Variants in TAFA4 observed in about 807,000 individuals in gnomAD.
TAFA4 encodes the protein chemokine-like protein TAFA-4.
A neutral mutation model predicts 21.1 loss-of-function variants in TAFA4; 20 were observed. The observed-to-expected ratio is 0.95, with a 90% CI of 0.67 to 1.38. The LOEUF (loss-of-function observed/expected upper bound fraction) is 1.38. TAFA4 is among the 40% of genes most tolerant of loss of function. The pLI is 0.00. For synonymous variants in TAFA4, 71 were observed against 67.4 expected, an observed-to-expected ratio of 1.05 and a Z score of -0.26; for missense variants, 211 against 180.9, an observed-to-expected ratio of 1.17 and a Z score of -0.95.
chr3:68,734,057 G>A (rs550695816), intron 5 of TAFA4, among the ~76,000 whole-genome samples: 1 of 152,112 alleles, frequency 6.6e-6, no homozygotes, highest in African/African-American at 2.4e-5. Flanking sequence ...AGGCCATACA[G>A]TCACTATAGC....
chr3:68,793,885 G>T (rs1170516803), intron 3 of TAFA4, among the ~76,000 whole-genome samples: 1 of 152,162 alleles, frequency 6.6e-6, no homozygotes, highest in Non-Finnish European at 1.5e-5. Context: ...ACCTTACTGT[G>T]TTTAATGGTG....
chr3:68,785,262 C>A (rs141833759), intron 3 of TAFA4, among the ~76,000 whole-genome samples: 2 of 152,192 alleles, frequency 1.3e-5, no homozygotes, highest in Non-Finnish European at 2.9e-5. Context: ...CAGTGGATCT[C>A]GCACTGGGGC....
intron 4 of TAFA4, among the ~76,000 whole-genome samples, chr3:68,752,135 A>T (rs971634281): frequency 3.9e-5 from 6 of 152,216 alleles, no homozygotes; most frequent in African/African-American, 1.2e-4. Context: ...CATGCATCAA[A>T]TGAGACAGGA....
intron 3 of TAFA4, among the ~76,000 whole-genome samples, chr3:68,811,615 G>T (rs1703841431): frequency 6.6e-6 from 1 of 152,060 alleles, no homozygotes; most frequent in Non-Finnish European, 1.5e-5. Context: ...GAGAAGAGAA[G>T]TTTAGAGAAA....
intron 5 of TAFA4, among the ~76,000 whole-genome samples, chr3:68,737,526 G>C (rs1388442294): frequency 6.6e-6 from 1 of 152,074 alleles, no homozygotes; most frequent in African/African-American, 2.4e-5. Context: ...AAATGGTCTG[G>C]TTTTACCTAG....
chr3:68,825,371 A>G (rs1704206056), intron 3 of TAFA4, among the ~76,000 whole-genome samples: 1 of 152,174 alleles, frequency 6.6e-6, no homozygotes, highest in Admixed American at 6.5e-5. Flanking sequence ...TATCCAGTCT[A>G]TCATTGATGG....
intron 3 of TAFA4, among the ~76,000 whole-genome samples, chr3:68,758,902 G>A (rs1381771312): frequency 2.6e-5 from 4 of 151,878 alleles, no homozygotes; most frequent in Non-Finnish European, 1.5e-5. Context: ...AAAAAGAGAA[G>A]TATTTTAAGG....
chr3:68,770,671 AG>A (rs1702938430), intron 3 of TAFA4, among the ~76,000 whole-genome samples: 1 of 152,180 alleles, frequency 6.6e-6, no homozygotes, highest in Non-Finnish European at 1.5e-5. Flanking sequence ...ATGATGATGG[AG>A]GCACATGCCG....
intron 3 of TAFA4, among the ~76,000 whole-genome samples, chr3:68,815,706 A>G (rs1703958782): frequency 6.6e-6 from 1 of 152,182 alleles, no homozygotes; most frequent in African/African-American, 2.4e-5. Context: ...ACACTTTTAC[A>G]CTGTTGGTGG....
chr3:68,758,390 A>G (rs1210499697), intron 3 of TAFA4, among the ~76,000 whole-genome samples: 5 of 152,190 alleles, frequency 3.3e-5, no homozygotes, highest in African/African-American at 1.2e-4. Context: ...ACTCATGGGC[A>G]CATGTCTTTC....
chr3:68,850,087 C>A (rs1206551085), intron 3 of TAFA4, among the ~76,000 whole-genome samples: 2 of 152,114 alleles, frequency 1.3e-5, no homozygotes, highest in African/African-American at 4.8e-5. Flanking sequence ...ATGAAACAAC[C>A]AGAATCTATA....
In TAFA4 at chr3:68,875,913, G is replaced by T. The variant is rs144727972; in HGVS notation, c.130+4817C>A. 3.1e-3 allele frequency among the ~76,000 whole-genome samples: 454 copies of T among 145,076 alleles called. 2 individuals carry two copies. Among genetic ancestry groups the T allele is most frequent in the African/African-American group, 0.011 (425 of 37,244 alleles). ...CTTTTTCTAAATTTAGTAGTCATTTGTTTTAAAAAAAAAAAAGAGAGAGAG... is the reference window on the plus strand; with the variant it reads ...CTTTTTCTAAATTTAGTAGTCATTTTTTTTAAAAAAAAAAAAGAGAGAGAG... On this transcript the variant is annotated intron_variant, in intron 3 of 5. Coordinates refer to ENST00000295569, the MANE Select transcript of TAFA4 (RefSeq NM_182522.5).
chr3:68,795,960 A>G (rs1050314822), intron 3 of TAFA4, among the ~76,000 whole-genome samples: 1 of 152,198 alleles, frequency 6.6e-6, no homozygotes, highest in African/African-American at 2.4e-5. Flanking sequence ...GCACACTTGT[A>G]AAGTACCACG....
intron 3 of TAFA4, among the ~76,000 whole-genome samples, chr3:68,807,198 A>G (rs1703719782): frequency 6.6e-6 from 1 of 152,186 alleles, no homozygotes; most frequent in Non-Finnish European, 1.5e-5. Context: ...CAAAAACAAA[A>G]TCAAAACAAA....
chr3:68,747,978 T>A (rs566379023), intron 4 of TAFA4, among the ~76,000 whole-genome samples: 3 of 152,184 alleles, frequency 2.0e-5, no homozygotes, highest in Admixed American at 2.0e-4. Flanking sequence ...CCTTGTTCCC[T>A]GACTCCCTCC....
Position 68,879,487 on chromosome 3 carries a change from C to G in TAFA4, c.130+1243G>C, listed in dbSNP as rs148574402. On this transcript the variant is annotated intron_variant, in intron 3 of 5. Coordinates refer to ENST00000295569, the MANE Select transcript of TAFA4 (RefSeq NM_182522.5). Reference sequence around the variant, plus strand: ...ACTAATCTGACTCTTAAACTCCACTCAAGAAAAGAGATAAGATTGAGGACC... The same window carrying G: ...ACTAATCTGACTCTTAAACTCCACTGAAGAAAAGAGATAAGATTGAGGACC... Among the ~76,000 whole-genome samples, 176 of 152,228 alleles carry G rather than the reference C, an allele frequency of 1.2e-3. 2 individuals carry two copies. Among genetic ancestry groups the G allele is most frequent in the African/African-American group, 4.2e-3 (174 of 41,552 alleles).
intron 3 of TAFA4, among the ~76,000 whole-genome samples, chr3:68,797,795 C>T (rs909709114): frequency 3.3e-5 from 5 of 152,028 alleles, no homozygotes; most frequent in South Asian, 4.2e-4. Context: ...CTGAGGGTGA[C>T]GAATACCATC....
At chr3:68,746,083 T>TCAAACATTAGACTCCA (rs944565511) in intron 4 of TAFA4, among the ~76,000 whole-genome samples, 2 of 152,198 alleles carry the variant, frequency 1.3e-5, no homozygotes, top group African/African-American at 4.8e-5. Flanking sequence ...CTTCCTGCCC[T>TCAAACATTAGACTCCA]CAAACATTAG....
At chr3:68,849,898 C>T (rs1174159375) in intron 3 of TAFA4, among the ~76,000 whole-genome samples, 1 of 152,112 alleles carries the variant, frequency 6.6e-6, no homozygotes, top group Non-Finnish European at 1.5e-5. Context: ...TTCAGTCCTT[C>T]GAAGGATTTT....
Sources: allele counts gnomAD v4.1 joint callset (sites outside exome capture counted in the v4.1 genomes callset), GRCh38; gene constraint gnomAD v4.1.1; transcripts MANE v1.5; gene names NCBI Gene and HGNC (gene_info 2026-07-23, HGNC 2026-07-21).